Variants in CNTNAP2 observed in about 807,000 individuals in gnomAD.
CNTNAP2 encodes the protein contactin-associated protein-like 2.
CNTNAP2 carries 98 observed loss-of-function variants against 155.2 expected under a neutral mutation model. The ratio of observed to expected loss-of-function variants is 0.63; its 90% CI spans 0.54 to 0.75. The LOEUF (loss-of-function observed/expected upper bound fraction) is 0.75. CNTNAP2 is among the 30% of genes least tolerant of loss of function. The pLI is 0.00. For synonymous variants in CNTNAP2, 651 were observed against 631.2 expected (o/e 1.03, Z -0.47); for missense variants, 1,727 against 1,688.1 (o/e 1.02, Z -0.40).
intron 22 of CNTNAP2, among the ~76,000 whole-genome samples, chr7:148,401,914 A>G (rs1328833129): frequency 6.6e-6 from 1 of 152,166 alleles, no homozygotes; most frequent in Non-Finnish European, 1.5e-5. Context: ...GCTATTTTCA[A>G]TTAAAATACC....
chr7:146,134,772 T>A (rs1166671885), intron 1 of CNTNAP2, among the ~76,000 whole-genome samples: 4 of 151,836 alleles, frequency 2.6e-5, no homozygotes, highest in Non-Finnish European at 5.9e-5. Flanking sequence ...CACTTAATCA[T>A]GGTGGATAAG....
intron 15 of CNTNAP2, among the ~76,000 whole-genome samples, chr7:148,067,962 C>T (rs1219827099): frequency 6.6e-6 from 1 of 152,050 alleles, no homozygotes; most frequent in East Asian, 1.9e-4. Flanking sequence ...CACTCACTTC[C>T]CACACAGCCA....
intron 10 of CNTNAP2, among the ~76,000 whole-genome samples, chr7:147,440,245 C>T (rs1294667073): frequency 2.6e-5 from 4 of 151,198 alleles, no homozygotes; most frequent in Non-Finnish European, 5.9e-5. Context: ...TGTTTTTTTA[C>T]TTCTGGTTAT....
At chr7:146,449,783 C>T (rs1796451582) in intron 1 of CNTNAP2, among the ~76,000 whole-genome samples, 1 of 152,144 alleles carries the variant, frequency 6.6e-6, no homozygotes, top group Non-Finnish European at 1.5e-5. Context: ...TGATGACAAG[C>T]TTTAGTTGAC....
chr7:146,325,894 A>C lies in CNTNAP2; in HGVS notation c.97+208921A>C, dbSNP rs370885237. 5.9e-5 allele frequency among the ~76,000 whole-genome samples: 9 copies of C among 152,282 alleles called. No homozygotes were observed. The East Asian group carries it at 1.2e-3, about 20-fold the overall frequency. On this transcript the variant is annotated intron_variant, in intron 1 of 23. Transcript: ENST00000361727. ...TATGATGACATCAGACATGTTTATT[A>C]AGATGTTGTCTAGCTATCCATCTGG...
At chr7:146,536,528 T>C (rs1177157272) in intron 1 of CNTNAP2, among the ~76,000 whole-genome samples, 1 of 151,656 alleles carries the variant, frequency 6.6e-6, no homozygotes, top group Non-Finnish European at 1.5e-5. Context: ...GGAAGGGAAG[T>C]AAGGAGGGAT....
intron 21 of CNTNAP2, among the ~76,000 whole-genome samples, chr7:148,375,336 T>A (rs998626456): frequency 1.4e-5 from 2 of 147,644 alleles, no homozygotes; most frequent in South Asian, 2.1e-4. Context: ...ATATATATAT[T>A]TTTATATATA....
At chr7:147,198,183 A>T (rs1802843601) in intron 8 of CNTNAP2, among the ~76,000 whole-genome samples, 1 of 152,060 alleles carries the variant, frequency 6.6e-6, no homozygotes, top group Non-Finnish European at 1.5e-5. Context: ...GAAAAGCTTT[A>T]AGTAAAACTT....
At position 147,694,937 on chromosome 7, in the gene CNTNAP2, C is replaced by A. The variant is rs150244836; in HGVS notation, c.2098+55631C>A. Among the ~76,000 whole-genome samples, 11 of 152,128 alleles carry A rather than the reference C, an allele frequency of 7.2e-5. No homozygotes were observed. The East Asian group carries it at 1.9e-3, about 27-fold the overall frequency. ...AAAACTAAGGCAGAAGTTTATATGG[C>A]TGATTTTAGATCTTTTTTTCTAATA... is the stretch of plus-strand genomic sequence containing the variant. On this transcript the variant is annotated intron_variant, in intron 13 of 23. Transcript: ENST00000361727.
At position 147,925,379 on chromosome 7, in the gene CNTNAP2, T is replaced by G. The variant is rs551689849; in HGVS notation, c.2255+21658T>G. Reference sequence around the variant, plus strand: ...ACACAGGGTAGTATATTTGTTATACTCATGAACCTACATTGACACATTATC... The same window carrying G: ...ACACAGGGTAGTATATTTGTTATACGCATGAACCTACATTGACACATTATC... On this transcript the variant is annotated intron_variant, in intron 14 of 23. Coordinates refer to ENST00000361727, the MANE Select transcript of CNTNAP2 (RefSeq NM_014141.6). Among the ~76,000 whole-genome samples, 12 of 151,916 alleles carry G rather than the reference T, an allele frequency of 7.9e-5. 1 individual carries two copies. The South Asian group carries it at 2.5e-3, about 32-fold the overall frequency.
chr7:147,611,539 G>A (rs986821964), intron 12 of CNTNAP2, among the ~76,000 whole-genome samples: 8 of 152,148 alleles, frequency 5.3e-5, no homozygotes, highest in Admixed American at 3.3e-4. Context: ...TACAAAAAAA[G>A]ACACATATGA....
At chr7:146,615,807 A>G (rs765574520) in intron 1 of CNTNAP2, among the ~76,000 whole-genome samples, 1 of 152,172 alleles carries the variant, frequency 6.6e-6, no homozygotes, top group Non-Finnish European at 1.5e-5. Flanking sequence ...AAAGTTGAGC[A>G]GTGGTGTTGG....
intron 9 of CNTNAP2, among the ~76,000 whole-genome samples, chr7:147,364,717 C>T (rs1015075229): frequency 1.3e-5 from 2 of 152,014 alleles, no homozygotes; most frequent in African/African-American, 2.4e-5. Context: ...GGAATGGTGG[C>T]GGGCACCTGT....
At chr7:147,769,110 A>T (rs2116532259) in intron 13 of CNTNAP2, among the ~76,000 whole-genome samples, 1 of 152,280 alleles carries the variant, frequency 6.6e-6, no homozygotes, top group Admixed American at 6.5e-5. Flanking sequence ...GCAAAAATTT[A>T]ATTAGCACAT....
At chr7:147,092,793 G>A (rs28407989) in intron 4 of CNTNAP2, among the ~76,000 whole-genome samples, 1 of 152,084 alleles carries the variant, frequency 6.6e-6, no homozygotes, top group African/African-American at 2.4e-5. Context: ...TTGATATAGT[G>A]GTTAGTGAAT....
chr7:147,763,152 G>A (rs1355642568), intron 13 of CNTNAP2, among the ~76,000 whole-genome samples: 3 of 151,866 alleles, frequency 2.0e-5, no homozygotes, highest in African/African-American at 4.8e-5. Context: ...CCAGCTACTC[G>A]GGAGGCTGAG....
chr7:147,877,131 C>T (rs538647988), intron 13 of CNTNAP2, among the ~76,000 whole-genome samples: 3 of 151,278 alleles, frequency 2.0e-5, no homozygotes, highest in South Asian at 2.1e-4. Flanking sequence ...TCAGACACAA[C>T]GAAGGCTTTT....
chr7:146,210,272 G>T (rs1239469371), intron 1 of CNTNAP2, among the ~76,000 whole-genome samples: 1 of 152,156 alleles, frequency 6.6e-6, no homozygotes, highest in Non-Finnish European at 1.5e-5. Flanking sequence ...AAGTGAAGAT[G>T]ATTGTCTTCC....
intron 9 of CNTNAP2, among the ~76,000 whole-genome samples, chr7:147,388,623 C>G (rs775723409): frequency 2.0e-4 from 31 of 151,926 alleles, no homozygotes; most frequent in Non-Finnish European, 3.2e-4. Context: ...CCCTGTAACC[C>G]AGGCTGGAGT....
Sources: gnomAD v4.1 joint callset for allele counts (sites outside exome capture counted in the v4.1 genomes callset) on GRCh38, gnomAD v4.1.1 for gene constraint, MANE v1.5 for transcripts, NCBI Gene and HGNC (gene_info 2026-07-23, HGNC 2026-07-21) for gene names.